The following ACBD6 variants were observed in gnomAD, a reference collection of about 807,000 sequenced individuals.
ACBD6 encodes the protein acyl-CoA binding domain containing 6.
In ACBD6, 28 loss-of-function variants were observed where a neutral mutation model predicts 37.2. That is an observed-to-expected ratio of 0.75 (90% CI 0.56 to 1.03). ACBD6 has a LOEUF of 1.03. Among genes scored for constraint, ACBD6 ranks in the 50% least tolerant of loss-of-function variants. The pLI, the probability that ACBD6 is intolerant of heterozygous loss-of-function variation, is 0.00. For synonymous variants in ACBD6, 113 were observed against 126.8 expected, an observed-to-expected ratio of 0.89 and a Z score of 0.73; for missense variants, 340 against 337.4, an observed-to-expected ratio of 1.01 and a Z score of -0.06.
rs373528811 is a variant in ACBD6 at position 180,419,553 on chromosome 1, G to C, written c.468-6082C>G. On this transcript the variant is annotated intron_variant, in intron 4 of 7. Transcript: ENST00000367595. ...TGACCCTTAAACAACACGGAGGGTG[G>C]GGGGCACCGACCCCCTGCATAGTCA... 2.1e-3 allele frequency among the ~76,000 whole-genome samples: 318 copies of C among 152,216 alleles called. 2 individuals carry two copies. Among genetic ancestry groups the C allele is most frequent in the African/African-American group, 7.0e-3 (290 of 41,546 alleles).
intron 6 of ACBD6, among the ~76,000 whole-genome samples, chr1:180,318,175 C>CCCCAA (rs10632390): frequency 6.8e-5 from 7 of 102,738 alleles, no homozygotes; most frequent in African/African-American, 1.4e-4. Context: ...CCCCCCCCCC[C>CCCCAA]AAAAAAAAAA....
chr1:180,467,769 G>C (rs1650407945), intron 3 of ACBD6, among the ~76,000 whole-genome samples: 1 of 152,012 alleles, frequency 6.6e-6, no homozygotes, highest in Non-Finnish European at 1.5e-5. Flanking sequence ...TTTATTGCTG[G>C]ATAGTATTTC....
intron 6 of ACBD6, among the ~76,000 whole-genome samples, chr1:180,337,037 C>A (rs1651750553): frequency 1.3e-5 from 2 of 152,068 alleles, no homozygotes; most frequent in Non-Finnish European, 2.9e-5. Flanking sequence ...CAAAAAAAGT[C>A]CAGGACCAGA....
At chr1:180,471,323 A>G (rs917973649) in intron 3 of ACBD6, among the ~76,000 whole-genome samples, 4 of 151,416 alleles carry the variant, frequency 2.6e-5, no homozygotes, top group Non-Finnish European at 5.9e-5. Flanking sequence ...ATCACCTGAG[A>G]CTGGAGAGGT....
intron 5 of ACBD6, among the ~76,000 whole-genome samples, chr1:180,397,912 G>C (rs1654323126): frequency 6.6e-6 from 1 of 152,242 alleles, no homozygotes; most frequent in South Asian, 2.1e-4. Context: ...AATTAGCTGG[G>C]CATGGTGATG....
At chr1:180,415,597 G>A (rs566884313) in intron 4 of ACBD6, among the ~76,000 whole-genome samples, 2 of 152,252 alleles carry the variant, frequency 1.3e-5, no homozygotes, top group South Asian at 2.1e-4. Context: ...AGTGCTACTC[G>A]CCAATTGTTT....
At position 180,274,948 on chromosome 1, in the gene ACBD6, G is replaced by A. The variant is rs1457556466; in HGVS notation, c.*639C>T. 3 of 199,788 alleles carry A rather than the reference G, an allele frequency of 1.5e-5. 1 individual carries two copies. Among genetic ancestry groups the A allele is most frequent in the Non-Finnish European group, 1.0e-5 (1 of 97,506 alleles). 12.4% of individuals were successfully genotyped at this position (199,788 alleles called of 1,614,324 possible). A position where few individuals can be genotyped will look rare whatever the true frequency, so the allele number is the denominator to read the frequency against. On this transcript the variant is annotated 3_prime_UTR_variant, in exon 10 of 14. Coordinates refer to the ACBD6 transcript ENST00000642319. ...CTTTGGGAACTTTGCTCCAACTGGTGTGTCTCACACAATGCCTCCCAAAAC... is the reference window on the plus strand; with the variant it reads ...CTTTGGGAACTTTGCTCCAACTGGTATGTCTCACACAATGCCTCCCAAAAC...
At chr1:180,400,499 G>A (rs980136997) in intron 5 of ACBD6, among the ~76,000 whole-genome samples, 4 of 152,100 alleles carry the variant, frequency 2.6e-5, no homozygotes, top group African/African-American at 9.7e-5. Context: ...AATATTCCAT[G>A]CAGTATTAAA....
chr1:180,434,817 G>A, intron 3 of ACBD6: 2 of 722,572 alleles, frequency 2.8e-6, no homozygotes, highest in Admixed American at 1.8e-5. Flanking sequence ...TGCCACCCAC[G>A]AATGCCAATC....
chr1:180,452,036 C>T (rs1649726493), intron 3 of ACBD6, among the ~76,000 whole-genome samples: 1 of 152,144 alleles, frequency 6.6e-6, no homozygotes, highest in East Asian at 1.9e-4. Context: ...CAGAAATAAA[C>T]AAGTTCTTTG....
intron 2 of ACBD6, among the ~76,000 whole-genome samples, chr1:180,495,061 G>A (rs1360493696): frequency 1.3e-5 from 2 of 152,176 alleles, no homozygotes; most frequent in African/African-American, 4.8e-5. Context: ...CTGGGACAAG[G>A]AAGATGGGTG....
chr1:180,281,388 T>TA (rs1048858767), intron 8 of ACBD6: 3 of 152,206 alleles, frequency 2.0e-5, no homozygotes, highest in African/African-American at 7.2e-5. Flanking sequence ...TCTACTCAGC[T>TA]AAAATCACAA....
chr1:180,464,983 A>C (rs1650292131), intron 3 of ACBD6, among the ~76,000 whole-genome samples: 1 of 152,220 alleles, frequency 6.6e-6, no homozygotes, highest in Non-Finnish European at 1.5e-5. Flanking sequence ...AGCCATATAT[A>C]GAAGATTGAA....
chr1:180,337,270 C>T lies in ACBD6; in HGVS notation c.664-22548G>A, dbSNP rs1450423860. ...AAATCCTCAATAAAATACTGAAAAA[C>T]CGAATCCAGCAGCACATCAAAAAGC... On this transcript the variant is annotated intron_variant, in intron 6 of 7. Transcript: ENST00000367595. Among the ~76,000 whole-genome samples the T allele has an allele frequency of 3.9e-5, 6 of 152,088 alleles. No individual in the cohort carries two copies. In the East Asian group the frequency reaches 1.2e-3, roughly 29 times the overall value.
At chr1:180,500,586 C>CGGGAGGCT (rs1651924276) in intron 1 of ACBD6, among the ~76,000 whole-genome samples, 2 of 150,784 alleles carry the variant, frequency 1.3e-5, no homozygotes, top group Admixed American at 6.6e-5. Flanking sequence ...CCCAGCTACT[C>CGGGAGGCT]GGGAGGCTGG....
intron 3 of ACBD6, among the ~76,000 whole-genome samples, chr1:180,474,001 A>G (rs755965245): frequency 3.9e-5 from 6 of 152,182 alleles, no homozygotes; most frequent in Non-Finnish European, 7.4e-5. Flanking sequence ...CTTATACATA[A>G]TAGGGTTAAA....
chr1:180,444,268 AGT>A (rs2102017515), intron 3 of ACBD6, among the ~76,000 whole-genome samples: 1 of 150,062 alleles, frequency 6.7e-6, no homozygotes, highest in East Asian at 1.9e-4. Context: ...TGGGCGACAG[AGT>A]GAGATTCCGT....
chr1:180,347,360 G>GTTT (rs775301259), intron 6 of ACBD6, among the ~76,000 whole-genome samples: 16 of 49,072 alleles, frequency 3.3e-4, no homozygotes, highest in East Asian at 7.9e-4. Context: ...TCAACAGAAA[G>GTTT]TTTTTTTTTT....
At chr1:180,414,061 T>C (rs1647977408) in intron 4 of ACBD6, among the ~76,000 whole-genome samples, 1 of 152,254 alleles carries the variant, frequency 6.6e-6, no homozygotes, top group Non-Finnish European at 1.5e-5. Flanking sequence ...GCCTTTTGAC[T>C]AATCAGCTGC....
Sources: gnomAD v4.1 joint callset for allele counts (sites outside exome capture counted in the v4.1 genomes callset) on GRCh38, gnomAD v4.1.1 for gene constraint, MANE v1.5 for transcripts, NCBI Gene and HGNC (gene_info 2026-07-23, HGNC 2026-07-21) for gene names.